The following DCC variants were observed in gnomAD, a reference collection of about 807,000 sequenced individuals.
DCC encodes the protein netrin receptor DCC.
DCC carries 58 observed loss-of-function variants against 172.5 expected under a neutral mutation model. The observed-to-expected ratio is 0.34, with a 90% confidence interval of 0.27 to 0.42. The LOEUF is 0.42. Among genes scored for constraint, DCC ranks in the 10% least tolerant of loss-of-function variants. The pLI is 1.00. For missense variants in DCC, 1,740 were observed against 1,791.0 expected (o/e 0.97, Z 0.51); for synonymous variants, 709 against 644.5 (o/e 1.10, Z -1.52).
chr18:52,493,488 C>T (rs138156990), intron 1 of DCC, among the ~76,000 whole-genome samples: 10 of 151,938 alleles, frequency 6.6e-5, no homozygotes, highest in African/African-American at 9.7e-5. Context: ...TTATTATAAT[C>T]GTAATAGTTT....
intron 1 of DCC, among the ~76,000 whole-genome samples, chr18:52,636,882 A>C (rs564717239): frequency 3.3e-5 from 5 of 152,310 alleles, no homozygotes; most frequent in Admixed American, 2.6e-4. Flanking sequence ...AAAATAGAGC[A>C]TTAAACCACC....
intron 2 of DCC, among the ~76,000 whole-genome samples, chr18:52,771,909 G>A (rs776668942): frequency 2.0e-5 from 3 of 150,448 alleles, no homozygotes; most frequent in Non-Finnish European, 4.4e-5. Context: ...ACAAGGCCCA[G>A]GTGTTCTATC....
At chr18:52,779,381 A>C (rs1167122670) in intron 2 of DCC, among the ~76,000 whole-genome samples, 1 of 152,032 alleles carries the variant, frequency 6.6e-6, no homozygotes, top group Non-Finnish European at 1.5e-5. Context: ...TTCAACTCCC[A>C]TTTAGGAGTG....
At chr18:52,657,955 C>T (rs766455798) in intron 1 of DCC, among the ~76,000 whole-genome samples, 11 of 152,188 alleles carry the variant, frequency 7.2e-5, no homozygotes, top group Non-Finnish European at 1.5e-4. Flanking sequence ...GTGTTATCAT[C>T]TCATAATTCT....
intron 2 of DCC, among the ~76,000 whole-genome samples, chr18:52,850,467 C>T (rs926206640): frequency 1.3e-5 from 2 of 152,074 alleles, no homozygotes; most frequent in Non-Finnish European, 2.9e-5. Flanking sequence ...AGGGAAAAAT[C>T]CATTATTAGC....
chr18:52,552,337 C>G (rs1301734293), intron 1 of DCC, among the ~76,000 whole-genome samples: 1 of 151,972 alleles, frequency 6.6e-6, no homozygotes, highest in African/African-American at 2.4e-5. Flanking sequence ...TATGTGATTT[C>G]CGGTACCATT....
At chr18:53,448,978 T>C (rs760876172) in intron 22 of DCC, among the ~76,000 whole-genome samples, 11 of 152,360 alleles carry the variant, frequency 7.2e-5, no homozygotes, top group Non-Finnish European at 1.5e-4. Flanking sequence ...GCACCTCCTC[T>C]GTATCAGGTG....
chr18:52,814,465 A>G (rs114199086), intron 2 of DCC, among the ~76,000 whole-genome samples: 98 of 152,326 alleles, frequency 6.4e-4, no homozygotes, highest in African/African-American at 2.3e-3. Flanking sequence ...ACGCAAAGAG[A>G]GCACCAGGGT....
intron 1 of DCC, among the ~76,000 whole-genome samples, chr18:52,526,390 G>C (rs1372388396): frequency 6.6e-6 from 1 of 152,072 alleles, no homozygotes; most frequent in Non-Finnish European, 1.5e-5. Flanking sequence ...CTGATATATA[G>C]GCAATCAAAG....
chr18:52,939,737 A>G (rs1598951250), intron 5 of DCC, among the ~76,000 whole-genome samples: 1 of 152,140 alleles, frequency 6.6e-6, no homozygotes, highest in African/African-American at 2.4e-5. Context: ...CATTTTCATC[A>G]TCATCATCAT....
intron 1 of DCC, among the ~76,000 whole-genome samples, chr18:52,699,912 A>G (rs191272903): frequency 6.6e-6 from 1 of 152,272 alleles, no homozygotes; most frequent in East Asian, 1.9e-4. Context: ...TCTTTAGTAT[A>G]TTCACAGAGT....
chr18:52,847,970 A>G (rs1306505585), intron 2 of DCC, among the ~76,000 whole-genome samples: 4 of 152,016 alleles, frequency 2.6e-5, no homozygotes, highest in East Asian at 1.9e-4. Context: ...GTTTGTGCCT[A>G]TTGATTATTT....
intron 7 of DCC, among the ~76,000 whole-genome samples, chr18:53,078,703 T>C (rs2042757002): frequency 6.6e-6 from 1 of 150,770 alleles, no homozygotes; most frequent in African/African-American, 2.4e-5. Context: ...GTATAGGCAA[T>C]GCACAGCTGT....
chr18:52,844,524 C>A (rs921105992), intron 2 of DCC, among the ~76,000 whole-genome samples: 2 of 152,162 alleles, frequency 1.3e-5, no homozygotes, highest in Admixed American at 1.3e-4. Context: ...AAGGAGTTTG[C>A]AACCATTTCC....
chr18:53,430,260 A>G (rs544582525), intron 21 of DCC, among the ~76,000 whole-genome samples: 3 of 152,264 alleles, frequency 2.0e-5, no homozygotes, highest in Admixed American at 2.0e-4. Context: ...TTAGATGGCC[A>G]GTCTGTCCAT....
intron 3 of DCC, among the ~76,000 whole-genome samples, chr18:52,923,195 CA>C (rs2040150937): frequency 6.6e-6 from 1 of 152,098 alleles, no homozygotes; most frequent in African/African-American, 2.4e-5. Context: ...TCTAAGAAAG[CA>C]GTTATTTTCT....
chr18:53,404,868 A>T (rs10515961), intron 19 of DCC, among the ~76,000 whole-genome samples: 1 of 152,100 alleles, frequency 6.6e-6, no homozygotes, highest in Non-Finnish European at 1.5e-5. Context: ...TATACGTTCA[A>T]TGGATCTTAC....
chr18:52,778,162 C>T (rs566517766), intron 2 of DCC, among the ~76,000 whole-genome samples: 10 of 152,234 alleles, frequency 6.6e-5, no homozygotes, highest in African/African-American at 2.2e-4. Context: ...GGAAGAAATA[C>T]ACTATGTAGA....
At chr18:52,748,750 A>C (rs1202483019) in intron 1 of DCC, among the ~76,000 whole-genome samples, 1 of 152,184 alleles carries the variant, frequency 6.6e-6, no homozygotes, top group Admixed American at 6.5e-5. Flanking sequence ...GGTGGAGAAA[A>C]GTTTTACTGA....
Sources: gnomAD v4.1 joint callset for allele counts (sites outside exome capture counted in the v4.1 genomes callset) on GRCh38, gnomAD v4.1.1 for gene constraint, MANE v1.5 for transcripts, NCBI Gene and HGNC (gene_info 2026-07-23, HGNC 2026-07-21) for gene names.